The following FTCDNL1 variants were observed in gnomAD, a reference collection of about 807,000 sequenced individuals.
FTCDNL1 encodes the protein formiminotransferase N-terminal subdomain-containing protein.
FTCDNL1 carries 11 observed loss-of-function variants against 5.9 expected under a neutral mutation model. The observed-to-expected ratio is 1.87, with a 90% CI of 1.18 to 3.10. The LOEUF is 3.10. Among genes scored for constraint, FTCDNL1 ranks in the 30% most tolerant of loss-of-function variants. The probability of loss-of-function intolerance (pLI) is 0.00; values close to 1 mark genes in which losing one functional copy is unlikely to be tolerated. For missense variants in FTCDNL1, 115 were observed against 65.5 expected (o/e 1.76, Z -2.61); for synonymous variants, 58 against 24.8 (o/e 2.34, Z -3.99).
chr2:199,712,580 A>T, the FTCDNL1 span, among the ~76,000 whole-genome samples: 10 of 152,168 alleles, frequency 6.6e-5, no homozygotes, highest in Non-Finnish European at 1.3e-4. Flanking sequence ...AGTACCATAA[A>T]CTAGGTGGCT....
the FTCDNL1 span, among the ~76,000 whole-genome samples, chr2:199,680,931 T>G: frequency 6.6e-6 from 1 of 152,278 alleles, no homozygotes; most frequent in South Asian, 2.1e-4. Flanking sequence ...TACTTCATCT[T>G]TGAGGAGAGT....
intron 3 of FTCDNL1, among the ~76,000 whole-genome samples, chr2:199,768,875 C>CCT (rs1698669528): frequency 2.0e-5 from 3 of 152,110 alleles, no homozygotes; most frequent in Admixed American, 6.5e-5. Context: ...TTAAGTTTGT[C>CCT]TCTCCACAAA....
At chr2:199,837,237 T>C (rs962763417) in intron 3 of FTCDNL1, among the ~76,000 whole-genome samples, 51 of 152,212 alleles carry the variant, frequency 3.4e-4, no homozygotes, top group African/African-American at 1.1e-3. Flanking sequence ...TGGAAATCAA[T>C]CTTAATATTT....
At chr2:199,669,706 A>G in the FTCDNL1 span, among the ~76,000 whole-genome samples, 1 of 152,120 alleles carries the variant, frequency 6.6e-6, no homozygotes, top group African/African-American at 2.4e-5. Flanking sequence ...TGTTTGTGAA[A>G]CCATAAAGCC....
the FTCDNL1 span, among the ~76,000 whole-genome samples, chr2:199,710,786 C>A: frequency 6.6e-6 from 1 of 152,194 alleles, no homozygotes; most frequent in South Asian, 2.1e-4. Flanking sequence ...ATTCTATGAA[C>A]TTGAATCATC....
At chr2:199,773,691 A>T (rs1197390361) in intron 3 of FTCDNL1, among the ~76,000 whole-genome samples, 2 of 152,144 alleles carry the variant, frequency 1.3e-5, no homozygotes, top group Middle Eastern at 3.2e-3. Flanking sequence ...AGATTGAGTG[A>T]TTCCCTTGAT....
At position 199,841,098 on chromosome 2, in the gene FTCDNL1, C is replaced by G. The variant is rs1300675831; in HGVS notation, c.211+4977G>C. On this transcript the variant is annotated intron_variant, in intron 3 of 4. Coordinates refer to ENST00000420128, the MANE Select transcript of FTCDNL1 (RefSeq NM_001363886.2). ...CTAGAGAGGCAGAGGTTGCAGTGAG[C>G]CGGGATCATGCCACTGCACTCCAGC... Among the ~76,000 whole-genome samples the G allele has an allele frequency of 2.6e-5, 4 of 151,968 alleles. No individual in the cohort carries two copies. In the East Asian group the frequency reaches 7.7e-4, roughly 29 times the overall value.
At position 199,777,406 on chromosome 2, in the gene FTCDNL1, GT is replaced by G. The variant is rs1301177352; in HGVS notation, c.212-16572del. On this transcript the variant is annotated intron_variant, in intron 3 of 3. Transcript: ENST00000416668. ...CAGTAGGCTGGAGACCCAGTGAAGA[GT>G]TGATGCTGCAGCTCAAATCTGAAAG... Among the ~76,000 whole-genome samples, 9 of 152,324 alleles carry G rather than the reference GT, an allele frequency of 5.9e-5. No individual in the cohort carries two copies. The East Asian group carries it at 1.7e-3, about 29-fold the overall frequency.
the FTCDNL1 span, among the ~76,000 whole-genome samples, chr2:199,744,228 A>AT: frequency 1.3e-5 from 2 of 152,154 alleles, no homozygotes; most frequent in African/African-American, 4.8e-5. Flanking sequence ...AGCCCCTGCT[A>AT]TGGACTGAAT....
chr2:199,701,292 G>A, the FTCDNL1 span, among the ~76,000 whole-genome samples: 1 of 80,080 alleles, frequency 1.2e-5, no homozygotes, highest in African/African-American at 5.2e-5. Flanking sequence ...GCTGTTACTT[G>A]AAAGTTTAAA....
chr2:199,729,511 A>T, the FTCDNL1 span, among the ~76,000 whole-genome samples: 1 of 152,242 alleles, frequency 6.6e-6, no homozygotes, highest in Non-Finnish European at 1.5e-5. Flanking sequence ...AAGTCTCAGG[A>T]TTCAAAATCA....
downstream of FTCDNL1, among the ~76,000 whole-genome samples, chr2:199,807,407 G>A (rs186445895): frequency 5.9e-5 from 9 of 152,320 alleles, no homozygotes; most frequent in Non-Finnish European, 7.3e-5. Flanking sequence ...GGAGCCCGAG[G>A]TGGGCAGATC....
the FTCDNL1 span, among the ~76,000 whole-genome samples, chr2:199,722,326 G>C: frequency 1.3e-5 from 2 of 152,190 alleles, no homozygotes; most frequent in South Asian, 2.1e-4. Flanking sequence ...AAGGGCTCCA[G>C]TGTCAGTTTT....
At chr2:199,667,338 C>T in the FTCDNL1 span, among the ~76,000 whole-genome samples, 1 of 151,848 alleles carries the variant, frequency 6.6e-6, no homozygotes, top group African/African-American at 2.4e-5. Context: ...TAAAATATAC[C>T]TTAGAGTTGG....
chr2:199,732,342 A>G, the FTCDNL1 span, among the ~76,000 whole-genome samples: 2 of 152,232 alleles, frequency 1.3e-5, no homozygotes, highest in Non-Finnish European at 2.9e-5. Context: ...CAAAAAGTTA[A>G]CAAGTCTTGG....
the FTCDNL1 span, among the ~76,000 whole-genome samples, chr2:199,753,315 G>A: frequency 6.6e-6 from 1 of 152,150 alleles, no homozygotes; most frequent in Non-Finnish European, 1.5e-5. Context: ...GGCAGCAGCA[G>A]GTGTGAGGCT....
chr2:199,832,240 G>A (rs1335841437), intron 3 of FTCDNL1, among the ~76,000 whole-genome samples: 4 of 152,120 alleles, frequency 2.6e-5, no homozygotes, highest in Non-Finnish European at 5.9e-5. Context: ...ACTTTCCTGA[G>A]TGGCCTAACA....
At chr2:199,771,606 G>A (rs1183414626) in intron 3 of FTCDNL1, among the ~76,000 whole-genome samples, 1 of 152,064 alleles carries the variant, frequency 6.6e-6, no homozygotes, top group African/African-American at 2.4e-5. Flanking sequence ...AAAAGCAAAT[G>A]GTAAATAGGA....
At chr2:199,701,492 T>C in the FTCDNL1 span, among the ~76,000 whole-genome samples, 1 of 152,032 alleles carries the variant, frequency 6.6e-6, no homozygotes, top group African/African-American at 2.4e-5. Flanking sequence ...TGCTCTACCA[T>C]AAAGACATAT....
Sources: gnomAD v4.1 joint callset for allele counts (sites outside exome capture counted in the v4.1 genomes callset) on GRCh38, gnomAD v4.1.1 for gene constraint, MANE v1.5 for transcripts, NCBI Gene and HGNC (gene_info 2026-07-23, HGNC 2026-07-21) for gene names.